RGPD4: variants seen among roughly 807,000 people sequenced by gnomAD.
RGPD4 encodes RANBP2 like and GRIP domain containing 4, also known as ranBP2-like and GRIP domain-containing protein 4.
In RGPD4, 84 loss-of-function variants were observed where a neutral mutation model predicts 141.1. The observed-to-expected ratio is 0.60, with a 90% CI of 0.50 to 0.71. The LOEUF is 0.71. Ranked by LOEUF, RGPD4 falls within the 30% of genes least tolerant of loss-of-function variation. The pLI is 0.00. For missense variants in RGPD4, 918 were observed against 1,622.4 expected (o/e 0.57, Z 7.46); for synonymous variants, 298 against 566.8 (o/e 0.53, Z 6.74).
intron 7 of RGPD4, among the ~76,000 whole-genome samples, chr2:107,850,747 C>A: frequency 5.0e-5 from 1 of 20,092 alleles, no homozygotes; most frequent in Non-Finnish European, 1.1e-4. Context: ...CCTGGGTTCA[C>A]GCCATTCTCC....
At chr2:107,845,446 G>A (rs185939966) in intron 6 of RGPD4, among the ~76,000 whole-genome samples, 4,841 of 148,698 alleles carry the variant, frequency 0.033, 80 homozygotes, top group African/African-American at 0.12. Flanking sequence ...GGCTCAGGAG[G>A]GGAGATGACC....
At chr2:107,887,374 A>C (rs1007052167) in intron 22 of RGPD4, among the ~76,000 whole-genome samples, 2 of 152,212 alleles carry the variant, frequency 1.3e-5, no homozygotes, top group African/African-American at 4.8e-5. Context: ...ACATATATAC[A>C]TGAGTGTTGG....
At position 107,877,737 on chromosome 2, in the gene RGPD4, C is replaced by T. The variant is rs539305540; in HGVS notation, c.4925-2231C>T. On this transcript the variant is annotated intron_variant, in intron 20 of 22. Transcript: ENST00000408999. ...TGAGCTGTGTTATCTAACAGTTTATCTTAGCTAGTAGCAATTAATTTATAG... is the reference window on the plus strand; with the variant it reads ...TGAGCTGTGTTATCTAACAGTTTATTTTAGCTAGTAGCAATTAATTTATAG... Among the ~76,000 whole-genome samples, 249 of 151,796 alleles carry T rather than the reference C, an allele frequency of 1.6e-3. 2 individuals are homozygous for T. The highest frequency in any genetic ancestry group is 5.5e-3 in the African/African-American group (227 of 41,148).
chr2:107,829,608 G>T (rs540266018), intron 1 of RGPD4, among the ~76,000 whole-genome samples: 25 of 150,330 alleles, frequency 1.7e-4, no homozygotes, highest in Non-Finnish European at 3.1e-4. Flanking sequence ...GCTCCCAGGC[G>T]GGCTCTGTTG....
At chr2:107,865,657 G>T (rs1236021997) in intron 17 of RGPD4, among the ~76,000 whole-genome samples, 1 of 152,132 alleles carries the variant, frequency 6.6e-6, no homozygotes, top group Admixed American at 6.5e-5. Context: ...GAGAGTTAAT[G>T]AATTAAGTTT....
intron 21 of RGPD4, among the ~76,000 whole-genome samples, chr2:107,881,407 TC>T (rs1313854641): frequency 1.3e-5 from 2 of 151,824 alleles, no homozygotes; most frequent in Non-Finnish European, 2.9e-5. Context: ...AATCTCCGCC[TC>T]CCAGGTTCAA....
At chr2:107,847,303 A>ATT (rs1057329464) in intron 6 of RGPD4, among the ~76,000 whole-genome samples, 1 of 137,532 alleles carries the variant, frequency 7.3e-6, no homozygotes, top group Non-Finnish European at 1.6e-5. Flanking sequence ...TAATATATAA[A>ATT]TTTTTTTGGT....
At chr2:107,833,773 T>TGAC (rs1681575455) in intron 1 of RGPD4, among the ~76,000 whole-genome samples, 1 of 152,156 alleles carries the variant, frequency 6.6e-6, no homozygotes, top group African/African-American at 2.4e-5. Flanking sequence ...GCTCCGTGGC[T>TGAC]GACGCCTGTA....
At chr2:107,832,801 G>C (rs1346414378) in intron 1 of RGPD4, among the ~76,000 whole-genome samples, 4 of 151,794 alleles carry the variant, frequency 2.6e-5, no homozygotes, top group African/African-American at 7.3e-5. Context: ...TTAGGAGTCT[G>C]ATGAGATTCT....
At chr2:107,855,517 T>A (rs2556213) in intron 8 of RGPD4, among the ~76,000 whole-genome samples, 20 of 152,220 alleles carry the variant, frequency 1.3e-4, no homozygotes, top group East Asian at 7.7e-4. Flanking sequence ...TATTTTTTTT[T>A]ATGTCTTTGA....
chr2:107,830,920 T>C (rs1376226108), intron 1 of RGPD4, among the ~76,000 whole-genome samples: 1 of 152,172 alleles, frequency 6.6e-6, no homozygotes, highest in South Asian at 2.1e-4. Context: ...TCACATGTGC[T>C]TTTGCCCTTC....
rs1415792394 is a variant in RGPD4 at position 107,828,835 on chromosome 2, G to A, written c.72+1750G>A. Among the ~76,000 whole-genome samples, 28 of 14,054 alleles carry A rather than the reference G, an allele frequency of 2.0e-3. 3 individuals are homozygous for A. The South Asian group carries it at 0.03, about 15-fold the overall frequency. 9.2% of individuals were successfully genotyped at this position (14,054 alleles called of 152,430 possible). On this transcript the variant is annotated intron_variant, in intron 1 of 22. Coordinates refer to ENST00000408999, the MANE Select transcript of RGPD4 (RefSeq NM_182588.3). Reference sequence around the variant, plus strand: ...GGCGGCGGCCTCGACCCGGCCCGGCGGCGGCCTCGATGGCTCAGGCGTCAT... The same window carrying A: ...GGCGGCGGCCTCGACCCGGCCCGGCAGCGGCCTCGATGGCTCAGGCGTCAT...
chr2:107,852,226 T>G (rs548088227), intron 7 of RGPD4, among the ~76,000 whole-genome samples: 2 of 120,298 alleles, frequency 1.7e-5, no homozygotes, highest in Admixed American at 8.4e-5. Flanking sequence ...CACTGCAGCC[T>G]GGCAACAGAG....
rs1558815203 is a variant in RGPD4, at chr2:107,871,860, G to A, written c.3856G>A (p.Gly1286Ser). 2 of 1,611,558 alleles carry A rather than the reference G, an allele frequency of 1.2e-6. No individual in the cohort carries two copies. The highest frequency in any genetic ancestry group is 1.1e-5 in the South Asian group (1 of 90,992). The change falls in exon 20 of 23, where the codon GGT becomes AGT. Residue 1286 changes from glycine (G) to serine (S), a missense_variant. Gly to Ser is a moderately conservative substitution (Grantham distance 56, BLOSUM62 0). Transcript: ENST00000408999. ...TGTGAGAAAAAATCTTTTCCATTTT[G>A]GTGAGTCAACAACAGGATCTAACTT... ...SPVRKNLFHFGESTTGSNFSF... is the reference protein window; with the variant it reads ...SPVRKNLFHFSESTTGSNFSF...
chr2:107,890,900 C>T lies in RGPD4; in HGVS notation c.*169C>T. 1.5e-6 allele frequency: 1 copy of T among 674,496 alleles called. No homozygotes were observed. The highest frequency in any genetic ancestry group is 2.5e-6 in the Non-Finnish European group (1 of 392,462). The allele number at this position is 674,496 out of a possible 1,614,324, so 41.8% of individuals were successfully genotyped here. ...AAAAGTGTGTATATGTTTGCATTTA[C>T]ATATATTTGTACATCTATATGACAG... On this transcript the variant is annotated 3_prime_UTR_variant, in exon 23 of 23. Coordinates refer to ENST00000408999, the MANE Select transcript of RGPD4 (RefSeq NM_182588.3).
At chr2:107,854,105 A>C (rs1382150170) in intron 7 of RGPD4, among the ~76,000 whole-genome samples, 1 of 112,740 alleles carries the variant, frequency 8.9e-6, no homozygotes, top group Non-Finnish European at 1.7e-5. Flanking sequence ...CCCAGGCCGG[A>C]GTGCAATGGC....
At chr2:107,837,188 CTTT>C (rs71225100) in intron 2 of RGPD4, among the ~76,000 whole-genome samples, 211 of 41,828 alleles carry the variant, frequency 5.0e-3, no homozygotes, top group East Asian at 0.014. Flanking sequence ...GGGAGGCAGG[CTTT>C]TTTTTTTTTT....
At chr2:107,832,799 C>T (rs1681539887) in intron 1 of RGPD4, among the ~76,000 whole-genome samples, 1 of 151,650 alleles carries the variant, frequency 6.6e-6, no homozygotes, top group Non-Finnish European at 1.5e-5. Flanking sequence ...TGTTAGGAGT[C>T]TGATGAGATT....
intron 6 of RGPD4, among the ~76,000 whole-genome samples, chr2:107,846,308 C>T (rs1250867054): frequency 8.7e-5 from 13 of 150,140 alleles, no homozygotes; most frequent in Admixed American, 2.6e-4. Context: ...CATCGTGATC[C>T]GCCTGCCTTG....
Sources: gnomAD v4.1 joint callset for allele counts (sites outside exome capture counted in the v4.1 genomes callset) on GRCh38, gnomAD v4.1.1 for gene constraint, MANE v1.5 for transcripts, NCBI Gene and HGNC (gene_info 2026-07-23, HGNC 2026-07-21) for gene names.